TMEM250: variants seen among roughly 807,000 people sequenced by gnomAD.
TMEM250 encodes transmembrane protein 250.
A neutral mutation model predicts 7.0 loss-of-function variants in TMEM250; 7 were observed. The observed-to-expected ratio is 1.00, with a 90% CI of 0.57 to 1.87. The LOEUF (loss-of-function observed/expected upper bound fraction) is 1.87, where lower values mean the gene tolerates loss of function less well. Among genes scored for constraint, TMEM250 ranks in the 40% most tolerant of loss-of-function variants. TMEM250 has a pLI of 0.00. For synonymous variants in TMEM250, 135 were observed against 96.7 expected (o/e 1.40, Z -2.32); for missense variants, 196 against 202.5 (o/e 0.97, Z 0.19).
intron 1 of TMEM250, among the ~76,000 whole-genome samples, chr9:136,117,677 G>A (rs965811084): frequency 6.6e-5 from 10 of 152,242 alleles, no homozygotes; most frequent in African/African-American, 2.4e-4. Context: ...ACCCCAAGAC[G>A]GCTCCTGCTC....
rs913311308 is a variant in TMEM250 at position 136,118,678 on chromosome 9, C to G, written c.-318G>C. ...TTCACGCGTCGCCGGCTGGGGTCGC[C>G]CTGCAGGTGAAGGGGCTCTCGGGCG... On this transcript the variant is annotated 5_prime_UTR_variant, in exon 1 of 2. Coordinates refer to ENST00000418388, the MANE Select transcript of TMEM250 (RefSeq NM_152833.3). The G allele has an allele frequency of 6.6e-6, 1 of 152,424 alleles. No individual in the cohort carries two copies. Among genetic ancestry groups the G allele is most frequent in the Non-Finnish European group, 1.5e-5 (1 of 68,288 alleles). 9.4% of individuals were successfully genotyped at this position (152,424 alleles called of 1,614,324 possible). A position where few individuals can be genotyped will look rare whatever the true frequency, so the allele number is the denominator to read the frequency against.
At position 136,115,544 on chromosome 9, in the gene TMEM250, G is replaced by C. The variant is rs888299386; in HGVS notation, c.*937C>G. 2.0e-5 allele frequency: 3 copies of C among 152,308 alleles called. No individual in the cohort carries two copies. Among genetic ancestry groups the C allele is most frequent in the African/African-American group, 7.2e-5 (3 of 41,454 alleles). 9.4% of individuals were successfully genotyped at this position (152,308 alleles called of 1,614,324 possible). A position where few individuals can be genotyped will look rare whatever the true frequency, so the allele number is the denominator to read the frequency against. ...CTCTGCCGCCTGCTCCGGACACTTGGGACACGCGTTTCCATCCTGGCTCAC... is the reference window on the plus strand; with the variant it reads ...CTCTGCCGCCTGCTCCGGACACTTGCGACACGCGTTTCCATCCTGGCTCAC... On this transcript the variant is annotated 3_prime_UTR_variant, in exon 2 of 2. Coordinates refer to ENST00000418388, the MANE Select transcript of TMEM250 (RefSeq NM_152833.3).
intron 1 of TMEM250, among the ~76,000 whole-genome samples, chr9:136,117,516 G>A (rs1830732727): frequency 6.6e-6 from 1 of 152,240 alleles, no homozygotes; most frequent in Non-Finnish European, 1.5e-5. Context: ...TCCAGGGCTC[G>A]CAGGTGAACC....
At position 136,116,564 on chromosome 9, in the gene TMEM250, C is replaced by T. The variant is rs1830704856; in HGVS notation, c.337G>A (p.Glu113Lys). 6.3e-7 allele frequency: 1 copy of T among 1,598,620 alleles called. No homozygotes were observed. Among genetic ancestry groups the T allele is most frequent in the South Asian group, 1.1e-5 (1 of 90,968 alleles). The change falls in exon 2 of 2, where the codon GAG becomes AAG. Residue 113 changes from glutamate to lysine, a missense_variant. Physicochemically the swap from Glu to Lys is moderately conservative, Grantham distance 56 (BLOSUM62 1). Coordinates refer to ENST00000418388, the MANE Select transcript of TMEM250 (RefSeq NM_152833.3). ...ACGTGGATGCCATAGACGAGCAGCTCGTTCACCAGGCGGAAGTCCACGCGC... is the reference window on the plus strand; with the variant it reads ...ACGTGGATGCCATAGACGAGCAGCTTGTTCACCAGGCGGAAGTCCACGCGC... ...RRRVDFRLVNELLVYGIHVTM... is the reference protein window; with the variant it reads ...RRRVDFRLVNKLLVYGIHVTM...
chr9:136,116,410 T>A lies in TMEM250; in HGVS notation c.*71A>T. 6.9e-7 allele frequency: 1 copy of A among 1,445,106 alleles called. No homozygotes were observed. 89.5% of individuals were successfully genotyped at this position (1,445,106 alleles called of 1,614,324 possible). A position where few individuals can be genotyped will look rare whatever the true frequency, so the allele number is the denominator to read the frequency against. ...TGGGGGATGGGCGAAGGGAAGGCGC[T>A]GGCCGACCCCACCCATGGAGAGAAC... On this transcript the variant is annotated 3_prime_UTR_variant, in exon 2 of 2. Coordinates refer to ENST00000418388, the MANE Select transcript of TMEM250 (RefSeq NM_152833.3).
chr9:136,116,643 G>A lies in TMEM250; in HGVS notation c.258C>T (p.Val86=), dbSNP rs1830707403. The change falls in exon 2 of 2, where the codon GTC becomes GTT. Residue 86 remains valine (V), a synonymous_variant. Transcript: ENST00000418388. ...LFCLQYLGVR[V]LLRFQRKLSV... is the part of the protein sequence containing the mutation. ...ACAGCTTGCGCTGGAAGCGCAGCAGGACGCGAACGCCCAGGTACTGTAGGC... is the reference window on the plus strand; with the variant it reads ...ACAGCTTGCGCTGGAAGCGCAGCAGAACGCGAACGCCCAGGTACTGTAGGC... The A allele has an allele frequency of 1.9e-6, 3 of 1,610,870 alleles. No homozygotes were observed. Among genetic ancestry groups the A allele is most frequent in the Non-Finnish European group, 2.5e-6 (3 of 1,179,664 alleles).
chr9:136,116,153 G>T lies in TMEM250; in HGVS notation c.*328C>A. 1 of 472,690 alleles carries T rather than the reference G, an allele frequency of 2.1e-6. No individual in the cohort carries two copies. The allele number at this position is 472,690 out of a possible 1,614,324, so 29.3% of individuals were successfully genotyped here. A position where few individuals can be genotyped will look rare whatever the true frequency, so the allele number is the denominator to read the frequency against. On this transcript the variant is annotated 3_prime_UTR_variant, in exon 2 of 2. Coordinates refer to ENST00000418388, the MANE Select transcript of TMEM250 (RefSeq NM_152833.3). Reference sequence around the variant, plus strand: ...TCCCAGGGTGATGTCTAAAGTCCCTGGCAGCTGTGGTCCTGGAGAGAGGCC... The same window carrying T: ...TCCCAGGGTGATGTCTAAAGTCCCTTGCAGCTGTGGTCCTGGAGAGAGGCC...
rs1311515117 is a variant in TMEM250, at chr9:136,116,190, G to A, written c.*291C>T. On this transcript the variant is annotated 3_prime_UTR_variant, in exon 2 of 2. Coordinates refer to ENST00000418388, the MANE Select transcript of TMEM250 (RefSeq NM_152833.3). ...CCTGGAGAGAGGCCCACAGAGAGGC[G>A]GAACGGAGGGCCCACCCCGCAGTAC... 4 of 530,634 alleles carry A rather than the reference G, an allele frequency of 7.5e-6. No individual in the cohort carries two copies. The highest frequency in any genetic ancestry group is 3.7e-5 in the Admixed American group (1 of 27,162). The allele number at this position is 530,634 out of a possible 1,614,324, so 32.9% of individuals were successfully genotyped here.
Position 136,114,749 on chromosome 9 carries a change from C to A in TMEM250, c.*1732G>T. ...GGCACCACCAGCCCCCTCCCGCCTC[C>A]CGTCCCACCTTCACCCTCAGCCAAG... On this transcript the variant is annotated 3_prime_UTR_variant, in exon 2 of 2. Coordinates refer to ENST00000418388, the MANE Select transcript of TMEM250 (RefSeq NM_152833.3). The A allele has an allele frequency of 6.6e-6, 1 of 152,372 alleles. No homozygotes were observed. 9.4% of individuals were successfully genotyped at this position (152,372 alleles called of 1,614,324 possible). A position where few individuals can be genotyped will look rare whatever the true frequency, so the allele number is the denominator to read the frequency against.
intron 1 of TMEM250, 78 bp downstream of exon 1, chr9:136,118,407 G>A (rs1010661420): frequency 7.2e-5 from 11 of 151,872 alleles, no homozygotes; most frequent in Non-Finnish European, 1.3e-4. Flanking sequence ...GCCCCTGCCG[G>A]AGCCACTTCC....
In TMEM250 at chr9:136,117,522, G is replaced by A. The variant is rs76570080; in HGVS notation, c.-124-498C>T. On this transcript the variant is annotated intron_variant, in intron 1 of 1. Coordinates refer to ENST00000418388, the MANE Select transcript of TMEM250 (RefSeq NM_152833.3). ...AAAAGGGACTCCAGGGCTCGCAGGTGAACCGAAAACGAGCCCGGCGGGAGC... is the reference window on the plus strand; with the variant it reads ...AAAAGGGACTCCAGGGCTCGCAGGTAAACCGAAAACGAGCCCGGCGGGAGC... 7.3e-4 allele frequency among the ~76,000 whole-genome samples: 111 copies of A among 152,384 alleles called. 2 individuals carry two copies. The East Asian group carries it at 0.021, about 28-fold the overall frequency.
chr9:136,117,932 T>G (rs1422196971), intron 1 of TMEM250: 2 of 152,282 alleles, frequency 1.3e-5, no homozygotes, highest in Non-Finnish European at 2.9e-5. Context: ...GCAGGAAAGT[T>G]GGTAACATTA....
At chr9:136,117,930 G>C (rs938991275) in intron 1 of TMEM250, 2 of 152,326 alleles carry the variant, frequency 1.3e-5, no homozygotes, top group African/African-American at 4.8e-5. Flanking sequence ...GAGCAGGAAA[G>C]TTGGTAACAT....
Position 136,116,372 on chromosome 9 carries a change from A to C in TMEM250, c.*109T>G. 2.1e-6 allele frequency: 3 copies of C among 1,405,964 alleles called. No individual in the cohort carries two copies. The highest frequency in any genetic ancestry group is 2.6e-4 in the Middle Eastern group (1 of 3,778). The allele number at this position is 1,405,964 out of a possible 1,614,324, so 87.1% of individuals were successfully genotyped here. On this transcript the variant is annotated 3_prime_UTR_variant, in exon 2 of 2. Coordinates refer to ENST00000418388, the MANE Select transcript of TMEM250 (RefSeq NM_152833.3). Reference sequence around the variant, plus strand: ...TCTTTTCTCTCCGTGGGCGCCGGGCAGCAGCGACTGCCTGGGGGATGGGCG... The same window carrying C: ...TCTTTTCTCTCCGTGGGCGCCGGGCCGCAGCGACTGCCTGGGGGATGGGCG...
intron 1 of TMEM250, chr9:136,117,754 G>A (rs1830738260): frequency 6.6e-6 from 1 of 152,620 alleles, no homozygotes; most frequent in Admixed American, 6.5e-5. Context: ...GCTGGGCCTG[G>A]CGTGCACAGT....
chr9:136,116,094 C>T lies in TMEM250; in HGVS notation c.*387G>A, dbSNP rs1004135178. ...CCAGGAGGGCCCCCCTCCGGAATTG[C>T]TCCTGGGCACACAGCCCTCTGTGTC... On this transcript the variant is annotated 3_prime_UTR_variant, in exon 2 of 2. Coordinates refer to ENST00000418388, the MANE Select transcript of TMEM250 (RefSeq NM_152833.3). The T allele has an allele frequency of 2.1e-5, 9 of 421,832 alleles. No homozygotes were observed. The highest frequency in any genetic ancestry group is 1.6e-4 in the African/African-American group (8 of 48,954). 26.1% of individuals were successfully genotyped at this position (421,832 alleles called of 1,614,324 possible).
At position 136,116,522 on chromosome 9, in the gene TMEM250, C is replaced by A; in HGVS notation, c.379G>T (p.Gly127Trp). Residue 127 changes from glycine to tryptophan, a missense_variant, in exon 2 of 2, where the codon GGG (glycine) becomes TGG (tryptophan). By Grantham distance (184) the Gly-to-Trp change is radical. Transcript: ENST00000418388. The stretch of plus-strand genomic sequence containing the variant: ...ACCATGAAGCACCAGCCCAGGCCCC[C>A]GACCAGCAGCATGGTGACGTGGATG... ...YGIHVTMLLVGGLGWCFMVFV... is the reference protein window; with the variant it reads ...YGIHVTMLLVWGLGWCFMVFV... 1 of 1,581,042 alleles carries A rather than the reference C, an allele frequency of 6.3e-7. No homozygotes were observed. The highest frequency in any genetic ancestry group is 2.3e-5 in the East Asian group (1 of 43,898).
chr9:136,117,843 C>T (rs998650089), intron 1 of TMEM250: 2 of 152,366 alleles, frequency 1.3e-5, no homozygotes, highest in Non-Finnish European at 2.9e-5. Flanking sequence ...TCTCCAGCTT[C>T]ACCTAGTAAA....
rs1190279546 is a variant in TMEM250 at position 136,116,569 on chromosome 9, A to G, written c.332T>C (p.Val111Ala). The change falls in exon 2 of 2, where the codon GTG (valine) becomes GCG (alanine). Residue 111 changes from valine (V) to alanine (A), a missense_variant. Val to Ala is a moderately conservative substitution (Grantham distance 64, BLOSUM62 0). Transcript: ENST00000418388. ...LGRRRVDFRL[V>A]NELLVYGIHV... ...GATGCCATAGACGAGCAGCTCGTTC[A>G]CCAGGCGGAAGTCCACGCGCCGGCG... 6.3e-7 allele frequency: 1 copy of G among 1,599,538 alleles called. No homozygotes were observed. The highest frequency in any genetic ancestry group is 1.1e-5 in the South Asian group (1 of 91,018).
Sources: gnomAD v4.1 joint callset for allele counts (sites outside exome capture counted in the v4.1 genomes callset) on GRCh38, gnomAD v4.1.1 for gene constraint, MANE v1.5 for transcripts, NCBI Gene and HGNC (gene_info 2026-07-23, HGNC 2026-07-21) for gene names.